ANO3: variants seen among roughly 807,000 people sequenced by gnomAD.
ANO3 encodes the protein anoctamin 3.
ANO3 carries 99 observed loss-of-function variants against 144.8 expected under a neutral mutation model. The ratio of observed to expected loss-of-function variants is 0.68; its 90% CI spans 0.58 to 0.81. The LOEUF is 0.81. Ranked by LOEUF, ANO3 falls within the 30% of genes least tolerant of loss-of-function variation. ANO3 has a pLI of 0.00. For synonymous variants in ANO3, 414 were observed against 392.6 expected (o/e 1.05, Z -0.64); for missense variants, 905 against 1,202.2 (o/e 0.75, Z 3.66).
At chr11:26,615,343 T>A (rs1852221062) in intron 17 of ANO3, among the ~76,000 whole-genome samples, 1 of 150,054 alleles carries the variant, frequency 6.7e-6, no homozygotes, top group South Asian at 2.1e-4. Context: ...TTCTCATGTG[T>A]GGTTCCCTCT....
At chr11:26,631,946 G>C (rs1044228734) in intron 18 of ANO3, among the ~76,000 whole-genome samples, 2 of 152,028 alleles carry the variant, frequency 1.3e-5, no homozygotes, top group Non-Finnish European at 2.9e-5. Context: ...TTGGGAGGCC[G>C]AGGCAGCCAG....
chr11:26,320,659 G>C lies in ANO3; in HGVS notation c.-3+10940G>C, dbSNP rs529119834. Among the ~76,000 whole-genome samples, 117 of 152,080 alleles carry C rather than the reference G, an allele frequency of 7.7e-4. 1 individual carries two copies. Among genetic ancestry groups the C allele is most frequent in the Non-Finnish European group, 3.1e-4 (21 of 67,952 alleles). ...GTATGGTTTAGTGCATAAAATATAT[G>C]ATGTTATATCTTATTTATAAATTAC... On this transcript the variant is annotated intron_variant, in intron 1 of 26. Coordinates refer to the ANO3 transcript ENST00000525139.
At chr11:26,576,425 G>T (rs1850987872) in intron 14 of ANO3, among the ~76,000 whole-genome samples, 1 of 152,024 alleles carries the variant, frequency 6.6e-6, no homozygotes, top group African/African-American at 2.4e-5. Context: ...GTGTCAGCAT[G>T]AATAAATGTT....
chr11:26,443,683 T>G, intron 2 of ANO3, 82 bp from the exon 3 acceptor site: 1 of 657,046 alleles, frequency 1.5e-6, no homozygotes. Context: ...TTGGCCATCA[T>G]TTGTCCATCT....
intron 1 of ANO3, among the ~76,000 whole-genome samples, chr11:26,270,869 T>G (rs769971515): frequency 3.3e-5 from 5 of 152,192 alleles, no homozygotes; most frequent in Non-Finnish European, 7.3e-5. Context: ...TTAGGGTATT[T>G]GAGCTGAATC....
At chr11:26,228,797 C>T (rs1852316752) in intron 1 of ANO3, among the ~76,000 whole-genome samples, 1 of 152,140 alleles carries the variant, frequency 6.6e-6, no homozygotes. Context: ...GCAGCTGAGG[C>T]AATCCTAGAA....
At chr11:26,469,304 A>C (rs1859699063) in intron 4 of ANO3, among the ~76,000 whole-genome samples, 1 of 151,890 alleles carries the variant, frequency 6.6e-6, no homozygotes, top group Non-Finnish European at 1.5e-5. Context: ...TAGACTGCTT[A>C]AACCTGGGTG....
chr11:26,639,275 T>C (rs1748066347), intron 21 of ANO3, 34 bp downstream of exon 21: 1 of 1,532,848 alleles, frequency 6.5e-7, no homozygotes, highest in Non-Finnish European at 9.0e-7. Context: ...GCCTTATGTC[T>C]AGTTACAAAG....
At chr11:26,503,451 C>T (rs566826797) in intron 4 of ANO3, among the ~76,000 whole-genome samples, 1 of 152,188 alleles carries the variant, frequency 6.6e-6, no homozygotes, top group African/African-American at 2.4e-5. Context: ...TTGTGAATGG[C>T]TGTCATATAT....
intron 1 of ANO3, among the ~76,000 whole-genome samples, chr11:26,403,480 T>C (rs1468408480): frequency 6.6e-6 from 1 of 151,898 alleles, no homozygotes; most frequent in East Asian, 1.9e-4. Flanking sequence ...GCAGCTTGAA[T>C]AGGACCTTTT....
intron 1 of ANO3, among the ~76,000 whole-genome samples, chr11:26,198,842 G>A (rs1423401028): frequency 6.6e-6 from 1 of 152,122 alleles, no homozygotes; most frequent in Non-Finnish European, 1.5e-5. Flanking sequence ...GAGCCAGTAC[G>A]TTTCTTAATG....
intron 1 of ANO3, among the ~76,000 whole-genome samples, chr11:26,346,155 A>G (rs138646169): frequency 3.7e-4 from 56 of 152,350 alleles, no homozygotes; most frequent in African/African-American, 1.3e-3. Flanking sequence ...TAAGTTGCAC[A>G]TGGCCACATA....
chr11:26,233,984 C>T (rs1004394521), intron 1 of ANO3, among the ~76,000 whole-genome samples: 13 of 134,894 alleles, frequency 9.6e-5, no homozygotes, highest in African/African-American at 2.3e-4. Context: ...GGACAAATGC[C>T]TAATGTATGC....
intron 4 of ANO3, among the ~76,000 whole-genome samples, chr11:26,483,376 G>A (rs1175378158): frequency 2.0e-5 from 3 of 152,158 alleles, no homozygotes; most frequent in South Asian, 2.1e-4. Context: ...GTAATCTCCA[G>A]TTCTGGAGGA....
chr11:26,190,729 T>A (rs982928166), intron 1 of ANO3, among the ~76,000 whole-genome samples: 2 of 152,200 alleles, frequency 1.3e-5, no homozygotes, highest in African/African-American at 4.8e-5. Flanking sequence ...GATTCAACTA[T>A]TGTCTTTATA....
intron 4 of ANO3, among the ~76,000 whole-genome samples, chr11:26,502,264 G>T (rs1416842184): frequency 6.6e-6 from 1 of 152,062 alleles, no homozygotes; most frequent in Non-Finnish European, 1.5e-5. Flanking sequence ...ACATTTTTCT[G>T]ATCTCCTGAA....
intron 17 of ANO3, among the ~76,000 whole-genome samples, chr11:26,604,368 T>G (rs1404261134): frequency 6.6e-6 from 1 of 152,208 alleles, no homozygotes; most frequent in African/African-American, 2.4e-5. Context: ...TTTGTTCTTT[T>G]TGTTTAGGAT....
chr11:26,332,775 G>C (rs952068628), intron 1 of ANO3, among the ~76,000 whole-genome samples: 7 of 152,238 alleles, frequency 4.6e-5, no homozygotes, highest in African/African-American at 1.7e-4. Flanking sequence ...TCTTGGGGGA[G>C]TTCCAGAGTT....
At chr11:26,552,140 G>C (rs1485091897) in intron 12 of ANO3, among the ~76,000 whole-genome samples, 1 of 151,866 alleles carries the variant, frequency 6.6e-6, no homozygotes, top group Non-Finnish European at 1.5e-5. Context: ...GGAGATAATT[G>C]CCATTACCCA....
Sources: gnomAD v4.1 joint callset for allele counts (sites outside exome capture counted in the v4.1 genomes callset) on GRCh38, gnomAD v4.1.1 for gene constraint, MANE v1.5 for transcripts, NCBI Gene and HGNC (gene_info 2026-07-23, HGNC 2026-07-21) for gene names.